The following RP1L1 variants were observed in gnomAD, a reference collection of about 807,000 sequenced individuals.
RP1L1 encodes the protein RP1 like 1, also known as retinitis pigmentosa 1-like 1 protein.
In RP1L1, 27 loss-of-function variants were observed where a neutral mutation model predicts 15.7. The observed-to-expected ratio is 1.72, with a 90% confidence interval of 1.27 to 2.38. The LOEUF (loss-of-function observed/expected upper bound fraction) is 2.38, where lower values mean the gene tolerates loss of function less well. RP1L1 is among the 30% of genes most tolerant of loss of function. RP1L1 has a pLI of 0.00. For missense variants in RP1L1, 4,798 were observed against 3,075.9 expected, an observed-to-expected ratio of 1.56 and a Z score of -13.24; for synonymous variants, 1,813 against 1,276.7, an observed-to-expected ratio of 1.42 and a Z score of -8.96.
intron 2 of RP1L1, among the ~76,000 whole-genome samples, chr8:10,620,086 G>C (rs1054886422): frequency 2.0e-5 from 3 of 151,972 alleles, no homozygotes; most frequent in Non-Finnish European, 4.4e-5. Flanking sequence ...TGGCGACTAA[G>C]ACACCTGTAT....
At chr8:10,637,267 G>C (rs575005786) in intron 1 of RP1L1, among the ~76,000 whole-genome samples, 1 of 152,330 alleles carries the variant, frequency 6.6e-6, no homozygotes, top group East Asian at 1.9e-4. Context: ...GGAATGCGCA[G>C]AGTGGCAAGG....
intron 1 of RP1L1, among the ~76,000 whole-genome samples, chr8:10,646,490 A>G (rs1798480215): frequency 6.6e-6 from 1 of 152,104 alleles, no homozygotes; most frequent in Non-Finnish European, 1.5e-5. Flanking sequence ...GAGAGGATGG[A>G]GCCAGAGAAA....
chr8:10,637,840 G>C (rs1002710464), intron 1 of RP1L1, among the ~76,000 whole-genome samples: 34 of 152,218 alleles, frequency 2.2e-4, no homozygotes, highest in African/African-American at 8.0e-4. Context: ...AAGATCAAAA[G>C]ATGCTCAGAG....
At position 10,611,168 on chromosome 8, in the gene RP1L1, T is replaced by A. The variant is rs1023728115; in HGVS notation, c.2930A>T (p.Asp977Val). The part of the protein sequence containing the change: ...EPILMTYELA[D>V]ETTGAAGGGL... Reference sequence around the variant, plus strand: ...ACCCCCAGCTGCACCTGTGGTCTCGTCCGCCAACTCATATGTCATGAGTAT... The same window carrying A: ...ACCCCCAGCTGCACCTGTGGTCTCGACCGCCAACTCATATGTCATGAGTAT... The change falls in exon 4 of 4, where the codon GAC becomes GTC. Residue 977 changes from aspartate (D) to valine (V), a missense_variant. Coordinates refer to ENST00000382483, the MANE Select transcript of RP1L1 (RefSeq NM_178857.6). 1 of 1,612,792 alleles carries A rather than the reference T, an allele frequency of 6.2e-7. No homozygotes were observed. Among genetic ancestry groups the A allele is most frequent in the Admixed American group, 1.7e-5 (1 of 60,012 alleles).
At chr8:10,617,639 C>T (rs1162876016) in intron 2 of RP1L1, among the ~76,000 whole-genome samples, 2 of 136,576 alleles carry the variant, frequency 1.5e-5, no homozygotes, top group Non-Finnish European at 3.1e-5. Flanking sequence ...TCACTGCAAG[C>T]TCTGCCTCCC....
In RP1L1 at chr8:10,623,057, C is replaced by T. The variant is rs1377068868; in HGVS notation, c.145G>A (p.Val49Ile). The T allele has an allele frequency of 2.5e-6, 4 of 1,613,970 alleles. No individual in the cohort carries two copies. Among genetic ancestry groups the T allele is most frequent in the African/African-American group, 1.3e-5 (1 of 74,890 alleles). Residue 49 changes from valine (V) to isoleucine (I), a missense_variant, in exon 2 of 4, where the codon GTC (valine) becomes ATC (isoleucine). Physicochemically the swap from Val to Ile is conservative, Grantham distance 29. Coordinates refer to ENST00000382483, the MANE Select transcript of RP1L1 (RefSeq NM_178857.6). ...GCGCGCTGGTGAACGGCCAGGCGGA[C>T]CCCAGCAAACCGTGGATCCCCTCGC... ...LKRGDPRFAGVRLAVHQRAFK... is the reference protein window; with the variant it reads ...LKRGDPRFAGIRLAVHQRAFK...
rs765621290 is a variant in RP1L1, at chr8:10,611,334, GC to G, written c.2763del (p.Leu922CysfsTer7). The G allele has an allele frequency of 2.5e-6, 4 of 1,612,468 alleles. No homozygotes were observed. Among genetic ancestry groups the G allele is most frequent in the Non-Finnish European group, 3.4e-6 (4 of 1,179,962 alleles). Reference protein sequence around the residue: ...SSASQGAGSRGLSEEKTLRSG... With the variant: ...SSASQGAGSRXLSEEKTLRSG... ...CTCCTCAAGGTCTTCTCCTCGGACA[GC>G]CCCCGAGACCCCGCACCCTGGCTGG... On this transcript the variant is annotated frameshift_variant, in exon 4 of 4. Transcript: ENST00000382483. LOFTEE classifies it low-confidence loss of function (END_TRUNC).
At position 10,622,790 on chromosome 8, in the gene RP1L1, C is replaced by T. The variant is rs1798085257; in HGVS notation, c.412G>A (p.Ala138Thr). The T allele has an allele frequency of 5.0e-6, 8 of 1,613,874 alleles. No homozygotes were observed. The East Asian group carries it at 1.1e-4, about 22-fold the overall frequency. The change falls in exon 2 of 4, where the codon GCC becomes ACC. Residue 138 changes from alanine to threonine, a missense_variant. By Grantham distance (58) the Ala-to-Thr change is moderately conservative. Coordinates refer to ENST00000382483, the MANE Select transcript of RP1L1 (RefSeq NM_178857.6). ...QLRDVEGQRE[A>T]PGTSSSRKSL... ...TTCCGGGAGGAGGAGGTGCCTGGGG[C>T]TTCACGCTGGCCTTCGACATCCCGC... is the stretch of plus-strand genomic sequence containing the variant.
In RP1L1 at chr8:10,616,580, G is replaced by T. The variant is rs760447634; in HGVS notation, c.617C>A (p.Ser206Ter). 1 of 1,611,836 alleles carries T rather than the reference G, an allele frequency of 6.2e-7. No homozygotes were observed. Among genetic ancestry groups the T allele is most frequent in the Non-Finnish European group, 8.5e-7 (1 of 1,179,704 alleles). Residue 206 changes from serine to a stop codon, truncating the protein, a stop_gained, in exon 3 of 4, where the codon TCG (serine) becomes TAG (stop). Coordinates refer to ENST00000382483, the MANE Select transcript of RP1L1 (RefSeq NM_178857.6). LOFTEE classifies it high-confidence loss of function. ...GGGGCTGTGCAGCAGGGCCTGCAGC[G>T]AGTCCACCTGAGGGAGGAGCGGGCG... ...LYTTSGKKVD[S>*]LQALLHSPSV...
chr8:10,609,694 C>G lies in RP1L1; in HGVS notation c.4404G>C (p.Gln1468His), dbSNP rs778304586. ...AACCAGGCTCAAGCTGGGAGCCACT[C>G]TGCCTCTCGCTGGCACTTGGGTCCG... ...SETDPSASER[Q>H]SGSQLEPGLE... Residue 1468 changes from glutamine to histidine, a missense_variant, in exon 4 of 4, where the codon CAG (glutamine) becomes CAC (histidine). By Grantham distance (24) the Gln-to-His change is conservative. Coordinates refer to ENST00000382483, the MANE Select transcript of RP1L1 (RefSeq NM_178857.6). 3.7e-6 allele frequency: 6 copies of G among 1,613,092 alleles called. No individual in the cohort carries two copies. Among genetic ancestry groups the G allele is most frequent in the Middle Eastern group, 3.3e-4 (2 of 6,084 alleles).
intron 1 of RP1L1, among the ~76,000 whole-genome samples, chr8:10,643,818 C>T (rs1326906424): frequency 1.3e-5 from 2 of 151,992 alleles, no homozygotes; most frequent in Non-Finnish European, 2.9e-5. Flanking sequence ...CGGGGCAGAG[C>T]ATCCAGTTCC....
At chr8:10,647,505 C>A (rs1259450836) in intron 1 of RP1L1, among the ~76,000 whole-genome samples, 1 of 152,178 alleles carries the variant, frequency 6.6e-6, no homozygotes, top group African/African-American at 2.4e-5. Context: ...TTCTCCTCTC[C>A]CCAGCCCCTG....
chr8:10,625,830 G>T (rs1204475270), intron 1 of RP1L1, among the ~76,000 whole-genome samples: 1 of 152,096 alleles, frequency 6.6e-6, no homozygotes, highest in Non-Finnish European at 1.5e-5. Context: ...GGCTGATTAG[G>T]CCCCAGCAAA....
chr8:10,612,287 G>A lies in RP1L1; in HGVS notation c.1811C>T (p.Ala604Val), dbSNP rs200118556. 1,280 of 1,613,122 alleles carry A rather than the reference G, an allele frequency of 7.9e-4. No individual in the cohort carries two copies. The highest frequency in any genetic ancestry group is 9.5e-4 in the Non-Finnish European group (1,122 of 1,180,042). ...QGQGTEQATGAAVTREPLVLG... is the reference protein window; with the variant it reads ...QGQGTEQATGVAVTREPLVLG... ...AACCAGAGGCTCCCTTGTCACAGCCGCTCCCGTGGCCTGCTCGGTGCCCTG... is the reference window on the plus strand; with the variant it reads ...AACCAGAGGCTCCCTTGTCACAGCCACTCCCGTGGCCTGCTCGGTGCCCTG... The change falls in exon 4 of 4, where the codon GCG becomes GTG. Residue 604 changes from alanine to valine, a missense_variant. Transcript: ENST00000382483.
chr8:10,651,095 A>C (rs1451163672), intron 1 of RP1L1, among the ~76,000 whole-genome samples: 1 of 152,208 alleles, frequency 6.6e-6, no homozygotes, highest in Non-Finnish European at 1.5e-5. Flanking sequence ...TTGATAAATC[A>C]GGAAGCAGGC....
chr8:10,618,438 C>T (rs911587447), intron 2 of RP1L1, among the ~76,000 whole-genome samples: 4 of 152,120 alleles, frequency 2.6e-5, no homozygotes, highest in African/African-American at 4.8e-5. Flanking sequence ...ACCCTGGAAG[C>T]GGAGGATGCA....
chr8:10,639,133 G>A (rs1422903996), intron 1 of RP1L1, among the ~76,000 whole-genome samples: 4 of 150,566 alleles, frequency 2.7e-5, no homozygotes, highest in African/African-American at 9.8e-5. Flanking sequence ...GACAGGGTGA[G>A]ACTGTCTCAA....
intron 1 of RP1L1, among the ~76,000 whole-genome samples, chr8:10,630,530 C>T (rs1798225232): frequency 6.6e-6 from 1 of 152,212 alleles, no homozygotes; most frequent in Admixed American, 6.5e-5. Flanking sequence ...AAGACAAATT[C>T]TGCAGAGTGG....
chr8:10,627,843 G>C lies in RP1L1; in HGVS notation c.-19-4623C>G, dbSNP rs995244929. On this transcript the variant is annotated intron_variant, in intron 1 of 3. Coordinates refer to ENST00000382483, the MANE Select transcript of RP1L1 (RefSeq NM_178857.6). Reference sequence around the variant, plus strand: ...TCTGGGCAGTAAATTCAGATGGAGAGTAACAGAGCAAGTAGGCAAAGAGGG... The same window carrying C: ...TCTGGGCAGTAAATTCAGATGGAGACTAACAGAGCAAGTAGGCAAAGAGGG... Among the ~76,000 whole-genome samples the C allele has an allele frequency of 4.6e-5, 7 of 152,268 alleles. No individual in the cohort carries two copies. In the South Asian group the frequency reaches 8.3e-4, roughly 18 times the overall value.
Sources: gnomAD v4.1 joint callset for allele counts (sites outside exome capture counted in the v4.1 genomes callset) on GRCh38, gnomAD v4.1.1 for gene constraint, MANE v1.5 for transcripts, NCBI Gene and HGNC (gene_info 2026-07-23, HGNC 2026-07-21) for gene names.